The following CALN1 variants were observed in gnomAD, a reference collection of about 807,000 sequenced individuals.
CALN1 encodes the protein calcium-binding protein 8.
A neutral mutation model predicts 30.6 loss-of-function variants in CALN1; 17 were observed. The observed-to-expected ratio is 0.56, with a 90% CI of 0.38 to 0.83. The LOEUF (loss-of-function observed/expected upper bound fraction) is 0.83, where lower values mean the gene tolerates loss of function less well. CALN1 is among the 40% of genes least tolerant of loss of function. The pLI, the probability that CALN1 is intolerant of heterozygous loss-of-function variation, is 0.00. For missense variants in CALN1, 291 were observed against 354.9 expected, an observed-to-expected ratio of 0.82 and a Z score of 1.45; for synonymous variants, 156 against 131.4, an observed-to-expected ratio of 1.19 and a Z score of -1.28.
chr7:72,158,373 C>T (rs1247842007), intron 3 of CALN1, among the ~76,000 whole-genome samples: 1 of 152,182 alleles, frequency 6.6e-6, no homozygotes, highest in African/African-American at 2.4e-5. Context: ...GTAGTCCAGG[C>T]AGGAGATGAG....
At position 71,781,589 on chromosome 7, in the gene CALN1, G is replaced by A. The variant is rs1792717369; in HGVS notation, c.*6186C>T. The A allele has an allele frequency of 6.6e-6, 1 of 152,248 alleles. No homozygotes were observed. The highest frequency in any genetic ancestry group is 1.5e-5 in the Non-Finnish European group (1 of 68,058). The allele number at this position is 152,248 out of a possible 1,614,324, so 9.4% of individuals were successfully genotyped here. ...ACTTTCTTTGTCTCCCTCAGGTCCA[G>A]GGATGGAGCAATATCGCAGTTGCAC... On this transcript the variant is annotated 3_prime_UTR_variant, in exon 7 of 7. Coordinates refer to ENST00000395275, the MANE Select transcript of CALN1 (RefSeq NM_031468.4).
chr7:71,905,733 A>G (rs1207313422), intron 5 of CALN1, among the ~76,000 whole-genome samples: 1 of 152,126 alleles, frequency 6.6e-6, no homozygotes, highest in African/African-American at 2.4e-5. Context: ...ATGTCCTCTA[A>G]AGTGAAAAAT....
At chr7:72,412,330 GCGAGCTTCCCC>G (rs1562959236) in exon 1 of CALN1, 76 of 152,140 alleles carry the variant, frequency 5.0e-4, no homozygotes, top group African/African-American at 1.7e-3. Flanking sequence ...TAGCACCCCA[GCGAGCTTCCCC>G]AGCGGGCTCG....
intron 2 of CALN1, among the ~76,000 whole-genome samples, chr7:72,383,470 T>G (rs921489338): frequency 6.6e-6 from 1 of 152,140 alleles, no homozygotes; most frequent in African/African-American, 2.4e-5. Flanking sequence ...CTCATTATGG[T>G]TTTGATTTGC....
intron 5 of CALN1, among the ~76,000 whole-genome samples, chr7:71,862,754 T>C (rs910392173): frequency 6.6e-5 from 10 of 152,224 alleles, no homozygotes; most frequent in Admixed American, 5.9e-4. Flanking sequence ...TCCCAGATTT[T>C]GTTCAGCGTT....
chr7:71,842,406 G>C (rs1458163426), intron 5 of CALN1, among the ~76,000 whole-genome samples: 1 of 152,190 alleles, frequency 6.6e-6, no homozygotes, highest in African/African-American at 2.4e-5. Context: ...TGGGTTCTTA[G>C]AGACAGAATC....
At chr7:72,339,373 A>G (rs1030503931) in intron 2 of CALN1, among the ~76,000 whole-genome samples, 2 of 152,184 alleles carry the variant, frequency 1.3e-5, no homozygotes, top group African/African-American at 4.8e-5. Flanking sequence ...TAGCAATCTT[A>G]TAACTGAGAT....
At chr7:72,210,961 A>T (rs1792349117) in intron 3 of CALN1, among the ~76,000 whole-genome samples, 1 of 152,004 alleles carries the variant, frequency 6.6e-6, no homozygotes, top group African/African-American at 2.4e-5. Flanking sequence ...AGGCTGAGGC[A>T]GGGGGATCCT....
At chr7:72,048,038 C>CTTTTT (rs35051822) in intron 4 of CALN1, among the ~76,000 whole-genome samples, 3 of 137,318 alleles carry the variant, frequency 2.2e-5, no homozygotes, top group African/African-American at 2.8e-5. Flanking sequence ...TCTTCTTCTT[C>CTTTTT]TTCTTTTTTT....
At chr7:72,406,009 A>C (rs1251017360) in intron 1 of CALN1, among the ~76,000 whole-genome samples, 2 of 152,178 alleles carry the variant, frequency 1.3e-5, no homozygotes, top group Non-Finnish European at 2.9e-5. Context: ...CAACAGGCGC[A>C]CGGCACTGAA....
At chr7:71,984,860 C>T (rs781739439) in intron 5 of CALN1, among the ~76,000 whole-genome samples, 4 of 152,192 alleles carry the variant, frequency 2.6e-5, no homozygotes, top group East Asian at 1.9e-4. Flanking sequence ...TGCAGATTCA[C>T]GCAATTAAGT....
chr7:72,308,666 C>T (rs916554541), intron 2 of CALN1, among the ~76,000 whole-genome samples: 1 of 152,184 alleles, frequency 6.6e-6, no homozygotes, highest in East Asian at 1.9e-4. Flanking sequence ...GATGAACTCA[C>T]ACTCTTGGGT....
At chr7:72,297,589 T>C (rs976701950) in intron 2 of CALN1, among the ~76,000 whole-genome samples, 1 of 152,238 alleles carries the variant, frequency 6.6e-6, no homozygotes, top group Admixed American at 6.5e-5. Flanking sequence ...TCACACTTAT[T>C]GAAAACCTTG....
At chr7:72,367,091 A>G (rs1237468925) in intron 2 of CALN1, among the ~76,000 whole-genome samples, 1 of 148,398 alleles carries the variant, frequency 6.7e-6, no homozygotes, top group Non-Finnish European at 1.5e-5. Flanking sequence ...AGCATGCTTC[A>G]TGATTATATT....
intron 4 of CALN1, among the ~76,000 whole-genome samples, chr7:72,099,386 T>G (rs1806482564): frequency 6.6e-6 from 1 of 151,174 alleles, no homozygotes. Context: ...AAAGAGAAAC[T>G]TAATTAGGTA....
chr7:71,815,822 T>TCCTC lies in CALN1; in HGVS notation c.502-5334_502-5331dup, dbSNP rs1207574403. ...ACCCTCCCGCCCTCCCTTCTTTTCT[T>TCCTC]CCTCCCTCCCTCCCTCCCTCCTTCC... On this transcript the variant is annotated intron_variant, in intron 5 of 6. Coordinates refer to ENST00000395275, the MANE Select transcript of CALN1 (RefSeq NM_031468.4). Among the ~76,000 whole-genome samples the TCCTC allele has an allele frequency of 5.5e-4, 63 of 113,558 alleles. No individual in the cohort carries two copies. In the South Asian group the frequency reaches 6.9e-3, roughly 13 times the overall value. The allele number at this position is 113,558 out of a possible 152,430, so 74.5% of individuals were successfully genotyped here.
intron 5 of CALN1, among the ~76,000 whole-genome samples, chr7:71,977,566 G>C (rs948986572): frequency 1.3e-5 from 2 of 152,168 alleles, no homozygotes; most frequent in Non-Finnish European, 2.9e-5. Flanking sequence ...CAGCCACACA[G>C]GTCTGTCTCA....
At chr7:72,020,827 G>C (rs544278887) in intron 5 of CALN1, among the ~76,000 whole-genome samples, 39 of 152,296 alleles carry the variant, frequency 2.6e-4, no homozygotes, top group African/African-American at 9.1e-4. Flanking sequence ...CTACTGTGAT[G>C]AACCTGGAAG....
At chr7:72,338,608 G>A (rs1280742277) in intron 2 of CALN1, among the ~76,000 whole-genome samples, 4 of 150,952 alleles carry the variant, frequency 2.6e-5, no homozygotes, top group African/African-American at 7.3e-5. Context: ...TTCCTAACCT[G>A]TATTATTACT....
Sources: gnomAD v4.1 joint callset for allele counts (sites outside exome capture counted in the v4.1 genomes callset) on GRCh38, gnomAD v4.1.1 for gene constraint, MANE v1.5 for transcripts, NCBI Gene and HGNC (gene_info 2026-07-23, HGNC 2026-07-21) for gene names.